DGLUCY: variants seen among roughly 807,000 people sequenced by gnomAD.
The protein encoded by DGLUCY is D-glutamate cyclase, mitochondrial.
A neutral mutation model predicts 58.5 loss-of-function variants in DGLUCY; 58 were observed. That is an observed-to-expected ratio of 0.99 (90% CI 0.80 to 1.23). The LOEUF (loss-of-function observed/expected upper bound fraction) is 1.23. Ranked by LOEUF, DGLUCY falls within the 50% of genes most tolerant of loss-of-function variation. DGLUCY has a pLI of 0.00. For missense variants in DGLUCY, 779 were observed against 784.7 expected, an observed-to-expected ratio of 0.99 and a Z score of 0.09; for synonymous variants, 325 against 314.1, an observed-to-expected ratio of 1.03 and a Z score of -0.37.
chr14:91,102,810 A>G (rs2044515930), intron 1 of DGLUCY, among the ~76,000 whole-genome samples: 1 of 137,294 alleles, frequency 7.3e-6, no homozygotes, highest in African/African-American at 2.7e-5. Flanking sequence ...TCGCTCTATC[A>G]CCCAGCAGTG....
intron 9 of DGLUCY, among the ~76,000 whole-genome samples, chr14:91,195,241 A>T (rs921013001): frequency 1.3e-5 from 2 of 152,188 alleles, no homozygotes; most frequent in Admixed American, 1.3e-4. Context: ...TGAAGACTTT[A>T]TCTTTGGCCA....
chr14:91,183,955 T>G (rs2049333085), intron 8 of DGLUCY, among the ~76,000 whole-genome samples: 1 of 152,038 alleles, frequency 6.6e-6, no homozygotes, highest in Admixed American at 6.5e-5. Context: ...CAAACCGCCC[T>G]TGGCACCTGG....
At chr14:91,106,548 A>C (rs980607709), upstream of DGLUCY, among the ~76,000 whole-genome samples, 2 of 151,710 alleles carry the variant, frequency 1.3e-5, no homozygotes, top group African/African-American at 4.8e-5. Context: ...CTCTACTAAA[A>C]ATACAAAAAT....
In DGLUCY at chr14:91,215,781, A is replaced by G. The variant is rs45556133; in HGVS notation, c.1716+225A>G. Reference sequence around the variant, plus strand: ...TGATCCAAGTGACCATTTTCCTTCTAGTTTGACTTTGGGTGAGTTGCTTAG... The same window carrying G: ...TGATCCAAGTGACCATTTTCCTTCTGGTTTGACTTTGGGTGAGTTGCTTAG... On this transcript the variant is annotated intron_variant, in intron 13 of 13. Transcript: ENST00000256324. 11,178 of 1,384,156 alleles carry G rather than the reference A, an allele frequency of 8.1e-3. 60 individuals carry two copies. The highest frequency in any genetic ancestry group is 9.2e-3 in the Non-Finnish European group (9,838 of 1,065,252). The allele number at this position is 1,384,156 out of a possible 1,614,324, so 85.7% of individuals were successfully genotyped here.
At chr14:91,117,150 A>G (rs1396029994) in intron 1 of DGLUCY, among the ~76,000 whole-genome samples, 17 of 152,196 alleles carry the variant, frequency 1.1e-4, no homozygotes, top group Non-Finnish European at 1.5e-5. Context: ...TTGTCATGGC[A>G]TTTGTAAACT....
chr14:91,060,916 G>C (rs957357355), intron 1 of DGLUCY: 5 of 153,252 alleles, frequency 3.3e-5, no homozygotes, highest in African/African-American at 1.2e-4. Context: ...CATTTCCTCT[G>C]GTGCGCACTC....
chr14:91,124,592 A>G (rs1427788125), intron 1 of DGLUCY, among the ~76,000 whole-genome samples: 1 of 152,204 alleles, frequency 6.6e-6, no homozygotes, highest in Non-Finnish European at 1.5e-5. Flanking sequence ...GTCCTGTTAC[A>G]CAGGGGTTGG....
chr14:91,190,661 T>A (rs1321053604), intron 9 of DGLUCY, among the ~76,000 whole-genome samples: 2 of 151,474 alleles, frequency 1.3e-5, no homozygotes, highest in African/African-American at 4.9e-5. Flanking sequence ...GGGGGCCCAG[T>A]GGGTTTAAGA....
At chr14:91,071,652 G>A (rs1201142263) in intron 1 of DGLUCY, among the ~76,000 whole-genome samples, 1 of 150,880 alleles carries the variant, frequency 6.6e-6, no homozygotes, top group East Asian at 2.0e-4. Context: ...GGTGGATCAC[G>A]AGGTCAGGAG....
intron 1 of DGLUCY, among the ~76,000 whole-genome samples, chr14:91,108,680 G>C (rs1361002033): frequency 6.6e-6 from 1 of 152,080 alleles, no homozygotes; most frequent in Non-Finnish European, 1.5e-5. Context: ...TGGGACTACA[G>C]GCATGTGCCA....
rs186861045 is a variant in DGLUCY, at chr14:91,174,959, G to A, written c.608-975G>A. 3.3e-5 allele frequency among the ~76,000 whole-genome samples: 5 copies of A among 152,252 alleles called. No individual in the cohort carries two copies. The East Asian group carries it at 9.7e-4, about 29-fold the overall frequency. The stretch of plus-strand genomic sequence containing the variant: ...GTGGATGACTGTTACTGCGGTGTGA[G>A]AGCAGAGGAAACACACCATTTAGGT... On this transcript the variant is annotated intron_variant, in intron 6 of 13. Transcript: ENST00000256324.
intron 13 of DGLUCY, among the ~76,000 whole-genome samples, chr14:91,217,899 C>T (rs1886830186): frequency 6.6e-6 from 1 of 152,160 alleles, no homozygotes; most frequent in African/African-American, 2.4e-5. Context: ...CCCCTGGCCT[C>T]TGTTTCTCTC....
chr14:91,079,735 C>A (rs910143492), intron 1 of DGLUCY, among the ~76,000 whole-genome samples: 2 of 152,082 alleles, frequency 1.3e-5, no homozygotes, highest in Non-Finnish European at 2.9e-5. Context: ...TAATTGCTCA[C>A]ATATCAAATT....
intron 1 of DGLUCY, among the ~76,000 whole-genome samples, chr14:91,081,983 A>T (rs1052189188): frequency 6.6e-6 from 1 of 152,064 alleles, no homozygotes; most frequent in Non-Finnish European, 1.5e-5. Context: ...AAGGACCTTC[A>T]TGATTACATT....
Position 91,225,044 on chromosome 14 carries a change from T to G in DGLUCY, c.*211T>G, listed in dbSNP as rs1247095331. ...AGGACAACATTTCTCTGGGGCTTTT[T>G]AACTTTTATTCCTAAGACTCTAAAG... On this transcript the variant is annotated 3_prime_UTR_variant, in exon 14 of 14. Transcript: ENST00000256324. The G allele has an allele frequency of 4.1e-6, 2 of 482,332 alleles. No individual in the cohort carries two copies. Among genetic ancestry groups the G allele is most frequent in the African/African-American group, 4.0e-5 (2 of 50,368 alleles). The allele number at this position is 482,332 out of a possible 1,614,324, so 29.9% of individuals were successfully genotyped here. A position where few individuals can be genotyped will look rare whatever the true frequency, so the allele number is the denominator to read the frequency against.
intron 5 of DGLUCY, among the ~76,000 whole-genome samples, chr14:91,171,962 A>G (rs1302024091): frequency 1.3e-5 from 2 of 152,196 alleles, no homozygotes; most frequent in Non-Finnish European, 2.9e-5. Flanking sequence ...CCTTTGGTCC[A>G]TGGCCCTTGC....
intron 1 of DGLUCY, among the ~76,000 whole-genome samples, chr14:91,061,196 C>T (rs2043669187): frequency 6.6e-6 from 1 of 152,184 alleles, no homozygotes; most frequent in Non-Finnish European, 1.5e-5. Flanking sequence ...GTGTGACAAC[C>T]AGCGAGACGG....
At chr14:91,130,022 A>C (rs1027760357) in intron 1 of DGLUCY, among the ~76,000 whole-genome samples, 11 of 152,194 alleles carry the variant, frequency 7.2e-5, no homozygotes, top group African/African-American at 2.7e-4. Context: ...GCATAGTGTT[A>C]CATTGTATGA....
chr14:91,117,409 G>A (rs2045039375), intron 1 of DGLUCY, among the ~76,000 whole-genome samples: 1 of 152,072 alleles, frequency 6.6e-6, no homozygotes, highest in Admixed American at 6.6e-5. Context: ...ATTTTACCCA[G>A]CCCCTGTTCG....
Sources: gnomAD v4.1 joint callset for allele counts (sites outside exome capture counted in the v4.1 genomes callset) on GRCh38, gnomAD v4.1.1 for gene constraint, MANE v1.5 for transcripts, NCBI Gene and HGNC (gene_info 2026-07-23, HGNC 2026-07-21) for gene names.